The following EFHC1 variants were observed in gnomAD, a reference collection of about 807,000 sequenced individuals.
EFHC1 encodes the protein EF-hand domain containing 1.
Under a neutral mutation model 69.9 loss-of-function variants are expected in EFHC1, and 53 were observed. That is an observed-to-expected ratio of 0.76 (90% CI 0.61 to 0.95). The LOEUF (loss-of-function observed/expected upper bound fraction) is 0.95, where lower values mean the gene tolerates loss of function less well. EFHC1 is among the 40% of genes least tolerant of loss of function. EFHC1 has a pLI of 0.00. For missense variants in EFHC1, 739 were observed against 798.7 expected, an observed-to-expected ratio of 0.93 and a Z score of 0.90; for synonymous variants, 256 against 278.4, an observed-to-expected ratio of 0.92 and a Z score of 0.80.
At chr6:52,487,821 T>G (rs1765817862) in intron 9 of EFHC1, 1 of 152,296 alleles carries the variant, frequency 6.6e-6, no homozygotes, top group African/African-American at 2.4e-5. Flanking sequence ...ACCTCTCAGT[T>G]GGCAGTCCCT....
At chr6:52,481,798 A>G (rs1765682284) in intron 9 of EFHC1, 2 of 152,228 alleles carry the variant, frequency 1.3e-5, no homozygotes, top group African/African-American at 4.8e-5. Context: ...GGCGTGAGCC[A>G]TTGCTCCTGG....
At chr6:52,422,727 C>A (rs923460193) in intron 1 of EFHC1, among the ~76,000 whole-genome samples, 2 of 152,084 alleles carry the variant, frequency 1.3e-5, no homozygotes. Flanking sequence ...ATTTGCCTTT[C>A]TACTCTTTTT....
intron 10 of EFHC1, among the ~76,000 whole-genome samples, chr6:52,491,220 G>A (rs1354281724): frequency 6.6e-6 from 1 of 152,160 alleles, no homozygotes; most frequent in Non-Finnish European, 1.5e-5. Context: ...CAAATTTTAG[G>A]TTGACAGCAT....
In EFHC1 at chr6:52,496,119, C is replaced by T. The variant is rs1259049695; in HGVS notation, c.*3778C>T. 6.0e-6 allele frequency: 1 copy of T among 167,700 alleles called. No homozygotes were observed. The highest frequency in any genetic ancestry group is 2.4e-5 in the African/African-American group (1 of 41,628). 10.4% of individuals were successfully genotyped at this position (167,700 alleles called of 1,614,324 possible). On this transcript the variant is annotated 3_prime_UTR_variant, in exon 11 of 11. Coordinates refer to ENST00000371068, the MANE Select transcript of EFHC1 (RefSeq NM_018100.4). ...TGGTGGAAGGGAGCTGAGCATTACC[C>T]TGTAGCAAGCAATATTGTAGGAAGC...
In EFHC1 at chr6:52,494,000, C is replaced by T. The variant is rs1457167225; in HGVS notation, c.*1659C>T. 2.2e-6 allele frequency: 1 copy of T among 453,926 alleles called. No homozygotes were observed. Among genetic ancestry groups the T allele is most frequent in the Non-Finnish European group, 4.4e-6 (1 of 226,778 alleles). 28.1% of individuals were successfully genotyped at this position (453,926 alleles called of 1,614,324 possible). On this transcript the variant is annotated 3_prime_UTR_variant, in exon 11 of 11. Coordinates refer to ENST00000371068, the MANE Select transcript of EFHC1 (RefSeq NM_018100.4). ...GGGCTGTGAATGTATTATGTTGATT[C>T]CTTTTCTGTTCCAGGTTATTATCTT...
Position 52,494,825 on chromosome 6 carries a change from C to T in EFHC1, c.*2484C>T, listed in dbSNP as rs1350420577. The T allele has an allele frequency of 1.5e-5, 7 of 452,712 alleles. No homozygotes were observed. Among genetic ancestry groups the T allele is most frequent in the South Asian group, 7.8e-5 (5 of 64,330 alleles). The allele number at this position is 452,712 out of a possible 1,614,324, so 28.0% of individuals were successfully genotyped here. A position where few individuals can be genotyped will look rare whatever the true frequency, so the allele number is the denominator to read the frequency against. On this transcript the variant is annotated 3_prime_UTR_variant, in exon 11 of 11. Coordinates refer to ENST00000371068, the MANE Select transcript of EFHC1 (RefSeq NM_018100.4). ...GGTTTCCTATTCCTGCATCAATTCACTTTAGGATAATGGCCTCCAGCTGCA... is the reference window on the plus strand; with the variant it reads ...GGTTTCCTATTCCTGCATCAATTCATTTTAGGATAATGGCCTCCAGCTGCA...
intron 2 of EFHC1, among the ~76,000 whole-genome samples, chr6:52,427,322 CT>C (rs1764322215): frequency 6.6e-6 from 1 of 152,270 alleles, no homozygotes; most frequent in East Asian, 1.9e-4. Context: ...ATCTTGGGTC[CT>C]TTTTCTCACC....
At position 52,438,378 on chromosome 6, in the gene EFHC1, G is replaced by C; in HGVS notation, c.360G>C (p.Val120=). 6.2e-7 allele frequency: 1 copy of C among 1,613,912 alleles called. No individual in the cohort carries two copies. Among genetic ancestry groups the C allele is most frequent in the Non-Finnish European group, 8.5e-7 (1 of 1,179,970 alleles). Residue 120 remains valine (V), a synonymous_variant, in exon 3 of 11, where the codon GTG becomes GTC. Transcript: ENST00000371068. ...AGGAACAGTATAGGATCCGTCAGGT[G>C]AACATTTACTATTATCTAGAAGATG... is the stretch of plus-strand genomic sequence containing the variant. ...STEEQYRIRQ[V]NIYYYLEDDS...
chr6:52,451,349 C>T (rs1764913210), intron 3 of EFHC1, among the ~76,000 whole-genome samples: 1 of 152,134 alleles, frequency 6.6e-6, no homozygotes, highest in African/African-American at 2.4e-5. Flanking sequence ...ACTCTGTCAG[C>T]ATTTGCTTAT....
chr6:52,461,288 T>C (rs1446608756), intron 5 of EFHC1, among the ~76,000 whole-genome samples: 1 of 152,210 alleles, frequency 6.6e-6, no homozygotes. Context: ...GCTCTCATCA[T>C]TTAGCTTCCA....
At chr6:52,446,142 C>T (rs1764779066) in intron 3 of EFHC1, among the ~76,000 whole-genome samples, 1 of 152,098 alleles carries the variant, frequency 6.6e-6, no homozygotes, top group South Asian at 2.1e-4. Context: ...GTTGATCTGT[C>T]TAATGTTGAC....
chr6:52,480,442 G>A (rs765318706), intron 9 of EFHC1, among the ~76,000 whole-genome samples: 1 of 152,168 alleles, frequency 6.6e-6, no homozygotes, highest in Non-Finnish European at 1.5e-5. Flanking sequence ...ACTATCACTA[G>A]GCCCTTGGAC....
chr6:52,445,632 G>A lies in EFHC1; in HGVS notation c.573+7041G>A, dbSNP rs187567967. 1.8e-3 allele frequency among the ~76,000 whole-genome samples: 281 copies of A among 152,182 alleles called. 1 individual carries two copies. The highest frequency in any genetic ancestry group is 3.1e-3 in the Non-Finnish European group (211 of 68,004). On this transcript the variant is annotated intron_variant, in intron 3 of 10. Coordinates refer to ENST00000371068, the MANE Select transcript of EFHC1 (RefSeq NM_018100.4). ...GAATGTGTTTGCTCTTGCTTCTCTGGTTCTTTTAATTGTGATGTTAGGGTG... is the reference window on the plus strand; with the variant it reads ...GAATGTGTTTGCTCTTGCTTCTCTGATTCTTTTAATTGTGATGTTAGGGTG...
At position 52,469,465 on chromosome 6, in the gene EFHC1, G is replaced by A. The variant is rs796052418; in HGVS notation, c.1270G>A (p.Ala424Thr). 6.2e-7 allele frequency: 1 copy of A among 1,613,790 alleles called. No homozygotes were observed. ...VNDNKVLRYL[A>T]VLESPIPEDK... is the part of the protein sequence containing the mutation. ...TGATAACAAGGTGCTTCGTTATTTG[G>A]CTGTACTGGTGAGGCTAATTTTTAT... is the stretch of plus-strand genomic sequence containing the variant. The change falls in exon 7 of 11, where the codon GCT becomes ACT. Residue 424 changes from alanine (A) to threonine (T), a missense_variant. Ala to Thr is a moderately conservative substitution (Grantham distance 58). Transcript: ENST00000371068.
chr6:52,425,589 A>G (rs1562442679), intron 2 of EFHC1, among the ~76,000 whole-genome samples: 1 of 152,110 alleles, frequency 6.6e-6, no homozygotes, highest in Non-Finnish European at 1.5e-5. Context: ...TTCATAATTC[A>G]TTTCTTTAAG....
chr6:52,432,282 G>C (rs1160043553), intron 2 of EFHC1, among the ~76,000 whole-genome samples: 4 of 151,990 alleles, frequency 2.6e-5, no homozygotes, highest in Admixed American at 1.3e-4. Flanking sequence ...GTTTTTAATT[G>C]TATTTTTGTT....
chr6:52,441,195 A>G (rs962339169), intron 3 of EFHC1, among the ~76,000 whole-genome samples: 2 of 152,064 alleles, frequency 1.3e-5, no homozygotes, highest in African/African-American at 4.8e-5. Flanking sequence ...TGTCTTTGTC[A>G]TGAAATCTTT....
intron 2 of EFHC1, among the ~76,000 whole-genome samples, chr6:52,427,343 T>C (rs1764322956): frequency 6.6e-6 from 1 of 152,162 alleles, no homozygotes; most frequent in Non-Finnish European, 1.5e-5. Flanking sequence ...CTATCATGTT[T>C]CAATACATTG....
Position 52,479,057 on chromosome 6 carries a change from C to T in EFHC1, c.1299C>T (p.Asp433=). The T allele has an allele frequency of 6.2e-7, 1 of 1,613,974 alleles. No homozygotes were observed. The highest frequency in any genetic ancestry group is 8.5e-7 in the Non-Finnish European group (1 of 1,179,998). The change falls in exon 8 of 11, where the codon GAC becomes GAT. Residue 433 remains aspartate (D), a synonymous_variant. Coordinates refer to ENST00000371068, the MANE Select transcript of EFHC1 (RefSeq NM_018100.4). ...TGTAGGAATCCCCCATCCCAGAAGA[C>T]AAAGACCGCAGATTTGTCTTCTCTT... The part of the protein sequence containing the change: ...LAVLESPIPE[D]KDRRFVFSYF...
Sources: gnomAD v4.1 joint callset for allele counts (sites outside exome capture counted in the v4.1 genomes callset) on GRCh38, gnomAD v4.1.1 for gene constraint, MANE v1.5 for transcripts, NCBI Gene and HGNC (gene_info 2026-07-23, HGNC 2026-07-21) for gene names.